FAAH2: variants seen among roughly 807,000 people sequenced by gnomAD.
The protein encoded by FAAH2 is fatty-acid amide hydrolase 2.
A neutral mutation model predicts 36.9 loss-of-function variants in FAAH2; 60 were observed. The observed-to-expected ratio is 1.63, with a 90% CI of 1.32 to 2.02. The LOEUF (loss-of-function observed/expected upper bound fraction) is 2.02, where lower values mean the gene tolerates loss of function less well. Among genes scored for constraint, FAAH2 ranks in the 30% most tolerant of loss-of-function variants. The probability of loss-of-function intolerance (pLI) is 0.00; values close to 1 mark genes in which losing one functional copy is unlikely to be tolerated. For synonymous variants in FAAH2, 214 were observed against 143.8 expected (o/e 1.49, Z -3.49); for missense variants, 689 against 397.5 (o/e 1.73, Z -6.23).
At chrX:57,374,664 T>C (rs2054626519) in intron 5 of FAAH2, among the ~76,000 whole-genome samples, 2 of 111,701 alleles carry the variant, frequency 1.8e-5, no homozygotes, top group Non-Finnish European at 3.8e-5. Flanking sequence ...ACAGTGACAA[T>C]TTGACTTCCT....
the FAAH2 span, among the ~76,000 whole-genome samples, chrX:57,248,753 CAAAAAAAAAAAA>C: frequency 1.4e-4 from 2 of 14,498 alleles, no homozygotes; most frequent in Admixed American, 2.5e-3. Flanking sequence ...AGCTCCGTCT[CAAAAAAAAAAAA>C]AAAAAAAAAA....
chrX:57,406,515 G>T (rs999901212), intron 7 of FAAH2, among the ~76,000 whole-genome samples: 2 of 112,129 alleles, frequency 1.8e-5, no homozygotes, highest in Non-Finnish European at 3.8e-5. Context: ...TCTTAGGGGA[G>T]GGGGCTGCAC....
chrX:57,192,014 C>T, the FAAH2 span, among the ~76,000 whole-genome samples: 1 of 111,649 alleles, frequency 9.0e-6, no homozygotes, highest in Non-Finnish European at 1.9e-5. Context: ...TGAAGAATGT[C>T]ATTGTTATTT....
Position 57,380,958 on chromosome X carries a change from T to G in FAAH2, c.925T>G (p.Trp309Gly). ...KVHLKDLKFY[W>G]MEHDGGSFLM... ...ACATTTAAAAGACTTAAAATTTTAC[T>G]GGATGGAACATGATGGAGGCTCATT... Residue 309 changes from tryptophan to glycine, a missense_variant, in exon 7 of 11, where the codon TGG becomes GGG. Trp to Gly is a radical substitution (Grantham distance 184). Transcript: ENST00000374900. 1 of 1,202,611 alleles carries G rather than the reference T, an allele frequency of 8.3e-7. No homozygotes were observed. Among genetic ancestry groups the G allele is most frequent in the Non-Finnish European group, 1.1e-6 (1 of 891,030 alleles).
At chrX:57,245,193 A>G in the FAAH2 span, among the ~76,000 whole-genome samples, 4 of 112,265 alleles carry the variant, frequency 3.6e-5, no homozygotes, top group Middle Eastern at 4.6e-3. Context: ...TATCCTAAGT[A>G]TACATGCACC....
At chrX:57,123,772 C>A in the FAAH2 span, among the ~76,000 whole-genome samples, 5 of 112,480 alleles carry the variant, frequency 4.4e-5, no homozygotes, top group African/African-American at 1.6e-4. Context: ...AGCATTTATT[C>A]ATGTGTCTGT....
At chrX:57,376,155 A>G (rs2054670586) in intron 5 of FAAH2, among the ~76,000 whole-genome samples, 1 of 111,520 alleles carries the variant, frequency 9.0e-6, no homozygotes, top group Non-Finnish European at 1.9e-5. Context: ...AATCTGTAAT[A>G]GTATCCCTTT....
intron 3 of FAAH2, among the ~76,000 whole-genome samples, chrX:57,311,437 C>A (rs1044142114): frequency 1.8e-5 from 2 of 111,899 alleles, no homozygotes; most frequent in African/African-American, 3.2e-5. Context: ...TATAGGGGAA[C>A]CCTTGTCGCC....
chrX:57,488,206 G>C (rs1172680110), intron 10 of FAAH2, among the ~76,000 whole-genome samples: 1 of 111,184 alleles, frequency 9.0e-6, no homozygotes, highest in Non-Finnish European at 1.9e-5. Context: ...TTGAAACGGG[G>C]AATCTTATTT....
At chrX:57,448,335 T>C (rs1602701589) in intron 9 of FAAH2, among the ~76,000 whole-genome samples, 189 bp from the exon 10 acceptor site, 1 of 112,526 alleles carries the variant, frequency 8.9e-6, no homozygotes. Flanking sequence ...AGGCTAGAAA[T>C]GTTATATATA....
intron 3 of FAAH2, among the ~76,000 whole-genome samples, chrX:57,317,479 A>C (rs953048868): frequency 8.9e-6 from 1 of 112,088 alleles, no homozygotes; most frequent in Non-Finnish European, 1.9e-5. Flanking sequence ...TCCTAAATAT[A>C]TATGTACCCA....
chrX:57,212,947 T>C, the FAAH2 span, among the ~76,000 whole-genome samples: 1 of 111,767 alleles, frequency 8.9e-6, no homozygotes, highest in Admixed American at 9.5e-5. Context: ...TGAATTCATC[T>C]GGTCCAGGTT....
chrX:57,457,321 C>T lies in FAAH2; in HGVS notation c.1423+8603C>T, dbSNP rs1036708535. Among the ~76,000 whole-genome samples the T allele has an allele frequency of 6.3e-5, 7 of 111,200 alleles. No individual in the cohort carries two copies. The East Asian group carries it at 8.5e-4, about 13-fold the overall frequency. On this transcript the variant is annotated intron_variant, in intron 10 of 10. Transcript: ENST00000374900. The stretch of plus-strand genomic sequence containing the variant: ...ACCTAAAAATAGTAAAAGCCATCTA[C>T]GACAAACCCACAGCCAACGTAATAC...
intron 10 of FAAH2, among the ~76,000 whole-genome samples, chrX:57,482,681 A>G (rs971319962): frequency 2.1e-5 from 2 of 97,121 alleles, no homozygotes; most frequent in Non-Finnish European, 4.1e-5. Flanking sequence ...ATCTGCTTGT[A>G]TTCGGCCATC....
Position 57,360,318 on chromosome X carries a change from G to A in FAAH2, c.743-18333G>A, listed in dbSNP as rs186157444. Among the ~76,000 whole-genome samples the A allele has an allele frequency of 1.2e-4, 13 of 110,158 alleles. No individual in the cohort carries two copies. In the East Asian group the frequency reaches 2.3e-3, roughly 19 times the overall value. On this transcript the variant is annotated intron_variant, in intron 5 of 10. Coordinates refer to ENST00000374900, the MANE Select transcript of FAAH2 (RefSeq NM_174912.4). ...GTATTTCATATGCATACATTTGTCCGGTTGATGGTGTCACATGAGTTTCTT... is the reference window on the plus strand; with the variant it reads ...GTATTTCATATGCATACATTTGTCCAGTTGATGGTGTCACATGAGTTTCTT...
At chrX:57,266,361 C>T in the FAAH2 span, among the ~76,000 whole-genome samples, 9 of 111,581 alleles carry the variant, frequency 8.1e-5, no homozygotes, top group Middle Eastern at 4.7e-3. Flanking sequence ...GCATACCCAG[C>T]GACCCTATGG....
At chrX:57,389,508 C>T (rs1204150897) in intron 7 of FAAH2, among the ~76,000 whole-genome samples, 1 of 109,078 alleles carries the variant, frequency 9.2e-6, no homozygotes, top group Non-Finnish European at 1.9e-5. Context: ...TTTCACTTAA[C>T]ATAATGCCCT....
rs186994377 is a variant in FAAH2, at chrX:57,331,770, C to A, written c.585C>A (p.Asn195Lys). The A allele has an allele frequency of 1.3e-4, 155 of 1,209,701 alleles. No homozygotes were observed. The East Asian group carries it at 4.2e-3, about 33-fold the overall frequency. ...ACAAGATCTATGGCCGATCAAACAA[C>A]CCATATGATTTACAGCATATTGTAG... is the stretch of plus-strand genomic sequence containing the variant. ...SSNKIYGRSN[N>K]PYDLQHIVGG... The change falls in exon 4 of 11, where the codon AAC becomes AAA. Residue 195 changes from asparagine to lysine, a missense_variant. Transcript: ENST00000374900.
At chrX:57,454,755 G>T (rs1602720092) in intron 10 of FAAH2, among the ~76,000 whole-genome samples, 1 of 111,277 alleles carries the variant, frequency 9.0e-6, no homozygotes, top group East Asian at 2.8e-4. Context: ...CAAAAATAAA[G>T]AAAAAAGAAT....
Sources: gnomAD v4.1 joint callset for allele counts (sites outside exome capture counted in the v4.1 genomes callset) on GRCh38, gnomAD v4.1.1 for gene constraint, MANE v1.5 for transcripts, NCBI Gene and HGNC (gene_info 2026-07-23, HGNC 2026-07-21) for gene names.